TMTC1: variants seen among roughly 807,000 people sequenced by gnomAD.
TMTC1 encodes protein O-mannosyl-transferase TMTC1.
Under a neutral mutation model 104.8 loss-of-function variants are expected in TMTC1, and 73 were observed. The ratio of observed to expected loss-of-function variants is 0.70; its 90% CI spans 0.58 to 0.85. TMTC1 has a LOEUF of 0.85. Among genes scored for constraint, TMTC1 ranks in the 40% least tolerant of loss-of-function variants. The probability of loss-of-function intolerance (pLI) is 0.00; values close to 1 mark genes in which losing one functional copy is unlikely to be tolerated. For synonymous variants in TMTC1, 434 were observed against 428.7 expected (o/e 1.01, Z -0.15); for missense variants, 1,035 against 1,096.1 (o/e 0.94, Z 0.79).
chr12:29,703,405 A>G (rs1941656727), intron 5 of TMTC1, among the ~76,000 whole-genome samples: 1 of 152,230 alleles, frequency 6.6e-6, no homozygotes, highest in Non-Finnish European at 1.5e-5. Flanking sequence ...AGTTTAAACA[A>G]CAACTTATTT....
At chr12:29,592,072 A>G (rs1592284221) in intron 7 of TMTC1, among the ~76,000 whole-genome samples, 1 of 152,340 alleles carries the variant, frequency 6.6e-6, no homozygotes, top group Middle Eastern at 3.4e-3. Context: ...TCTTTCTGCT[A>G]TAAGTAGAAC....
At chr12:29,670,939 A>AAAAAAAAAAAAAAG (rs1470505990) in intron 5 of TMTC1, among the ~76,000 whole-genome samples, 1 of 86,934 alleles carries the variant, frequency 1.2e-5, no homozygotes, top group African/African-American at 4.2e-5. Context: ...TGTCTCAAAA[A>AAAAAAAAAAAAAAG]AAAAGAAAAA....
At chr12:29,642,959 A>AC (rs1565732233) in intron 5 of TMTC1, among the ~76,000 whole-genome samples, 13 of 151,876 alleles carry the variant, frequency 8.6e-5, no homozygotes, top group Non-Finnish European at 1.6e-4. Context: ...AAACAAACAA[A>AC]AAAACCCATC....
intron 2 of TMTC1, among the ~76,000 whole-genome samples, chr12:29,759,756 G>A (rs968582479): frequency 5.9e-5 from 9 of 152,250 alleles, no homozygotes; most frequent in Non-Finnish European, 8.8e-5. Context: ...GGATCATCTC[G>A]TGTCAGAAAG....
intron 7 of TMTC1, among the ~76,000 whole-genome samples, chr12:29,596,871 T>C (rs2136374437): frequency 6.6e-6 from 1 of 152,358 alleles, no homozygotes. Flanking sequence ...TGACTTGTTA[T>C]TTGTGGGTCA....
chr12:29,607,140 C>G (rs540116541), intron 6 of TMTC1, among the ~76,000 whole-genome samples: 71 of 152,320 alleles, frequency 4.7e-4, no homozygotes, highest in Non-Finnish European at 8.5e-4. Flanking sequence ...TGTTCCTCCA[C>G]CAGTTTCTTC....
At chr12:29,760,652 C>G (rs1394797143) in intron 2 of TMTC1, among the ~76,000 whole-genome samples, 1 of 151,932 alleles carries the variant, frequency 6.6e-6, no homozygotes, top group Non-Finnish European at 1.5e-5. Flanking sequence ...GACGTATAAC[C>G]TGAATATAAT....
intron 11 of TMTC1, among the ~76,000 whole-genome samples, chr12:29,529,311 G>A (rs1944434259): frequency 6.6e-6 from 1 of 152,084 alleles, no homozygotes; most frequent in South Asian, 2.1e-4. Context: ...CTGTATAGAG[G>A]TGTAGAGTGT....
intron 5 of TMTC1, among the ~76,000 whole-genome samples, chr12:29,639,128 G>C (rs1938708708): frequency 6.6e-6 from 1 of 152,212 alleles, no homozygotes; most frequent in African/African-American, 2.4e-5. Flanking sequence ...AGGTGCTAAA[G>C]GGTAGTATGA....
At chr12:29,600,323 T>C (rs1946531890) in intron 7 of TMTC1, among the ~76,000 whole-genome samples, 1 of 152,082 alleles carries the variant, frequency 6.6e-6, no homozygotes, top group Admixed American at 6.5e-5. Flanking sequence ...GGACAGCTCA[T>C]CACTGGTAGG....
intron 11 of TMTC1, among the ~76,000 whole-genome samples, chr12:29,525,550 G>T (rs552815033): frequency 1.3e-5 from 2 of 150,414 alleles, no homozygotes; most frequent in South Asian, 4.2e-4. Context: ...ACCATGAAGG[G>T]TTTGATTGTC....
intron 3 of TMTC1, 129 bp downstream of exon 3, chr12:29,758,575 T>C: frequency 5.4e-6 from 5 of 931,564 alleles, no homozygotes; most frequent in Non-Finnish European, 8.5e-6. Context: ...GAGTTTCCTA[T>C]TCCTGGTCCC....
At chr12:29,714,616 A>G (rs1164012949) in intron 5 of TMTC1, among the ~76,000 whole-genome samples, 1 of 152,214 alleles carries the variant, frequency 6.6e-6, no homozygotes, top group East Asian at 1.9e-4. Context: ...CTATAAAAAT[A>G]GTTTTTACCT....
chr12:29,620,792 T>C (rs1937633689), intron 6 of TMTC1, among the ~76,000 whole-genome samples: 1 of 152,134 alleles, frequency 6.6e-6, no homozygotes, highest in African/African-American at 2.4e-5. Flanking sequence ...TAGCAGAACA[T>C]TATCAGCACA....
At chr12:29,693,439 T>C (rs116591176) in intron 5 of TMTC1, among the ~76,000 whole-genome samples, 2,081 of 148,980 alleles carry the variant, frequency 0.014, 230 homozygotes, top group African/African-American at 0.049. Flanking sequence ...AGTCAGTCTA[T>C]AGTTCTATAG....
Position 29,767,820 on chromosome 12 carries a change from ATG to A in TMTC1, c.480+76_480+77del, listed in dbSNP as rs386376083. 6.2e-6 allele frequency: 8 copies of A among 1,296,966 alleles called. No individual in the cohort carries two copies. The East Asian group carries it at 7.2e-5, about 12-fold the overall frequency. The allele number at this position is 1,296,966 out of a possible 1,614,324, so 80.3% of individuals were successfully genotyped here. A position where few individuals can be genotyped will look rare whatever the true frequency, so the allele number is the denominator to read the frequency against. ...TACACACATATTTACATGTATATAT[ATG>A]TGTGTGTATACACGTATACACGTAT... On this transcript the variant is annotated intron_variant, in intron 2 of 17. Transcript: ENST00000539277.
intron 6 of TMTC1, among the ~76,000 whole-genome samples, chr12:29,605,318 A>C (rs1384302249): frequency 6.6e-6 from 1 of 152,138 alleles, no homozygotes; most frequent in Non-Finnish European, 1.5e-5. Flanking sequence ...TACAAAGTAT[A>C]ACGATTTTAA....
intron 5 of TMTC1, among the ~76,000 whole-genome samples, chr12:29,665,218 A>T (rs1201850541): frequency 6.6e-6 from 1 of 152,216 alleles, no homozygotes; most frequent in Admixed American, 6.5e-5. Flanking sequence ...CTTCACCTGG[A>T]GGAGGCCCTT....
chr12:29,675,609 CACACACACACACACACACACA>C (rs757694089), intron 5 of TMTC1, among the ~76,000 whole-genome samples: 8 of 147,472 alleles, frequency 5.4e-5, no homozygotes, highest in African/African-American at 9.8e-5. Context: ...CACACACACA[CACACACACACACACACACACA>C]CCCTCCATGA....
Sources: allele counts gnomAD v4.1 joint callset (sites outside exome capture counted in the v4.1 genomes callset), GRCh38; gene constraint gnomAD v4.1.1; transcripts MANE v1.5; gene names NCBI Gene and HGNC (gene_info 2026-07-23, HGNC 2026-07-21).